Variants in CRBN observed in about 807,000 individuals in gnomAD.
The protein encoded by CRBN is protein cereblon.
In CRBN, 53 loss-of-function variants were observed where a neutral mutation model predicts 62.2. The observed-to-expected ratio is 0.85, with a 90% CI of 0.68 to 1.07. The LOEUF is 1.07. CRBN is among the 50% of genes least tolerant of loss of function. The pLI is 0.00. For synonymous variants in CRBN, 208 were observed against 176.1 expected, an observed-to-expected ratio of 1.18 and a Z score of -1.43; for missense variants, 616 against 531.1, an observed-to-expected ratio of 1.16 and a Z score of -1.57.
At chr3:3,173,498 C>G (rs1707710809) in intron 3 of CRBN, among the ~76,000 whole-genome samples, 1 of 152,196 alleles carries the variant, frequency 6.6e-6, no homozygotes, top group Non-Finnish European at 1.5e-5. Flanking sequence ...ATTTCCCAAA[C>G]CAAACATTCT....
intron 8 of CRBN, 122 bp from the exon 9 acceptor site, chr3:3,153,610 C>T: frequency 1.4e-6 from 1 of 714,984 alleles, no homozygotes; most frequent in Non-Finnish European, 2.6e-6. Flanking sequence ...ATCACATTTT[C>T]CTTCCAAGCA....
intron 4 of CRBN, among the ~76,000 whole-genome samples, chr3:3,169,396 G>A (rs550004530): frequency 1.3e-5 from 2 of 152,162 alleles, no homozygotes; most frequent in African/African-American, 2.4e-5. Context: ...AGTGAAATAT[G>A]ACTTCAACAA....
intron 4 of CRBN, among the ~76,000 whole-genome samples, chr3:3,169,914 T>C (rs556442874): frequency 6.6e-6 from 1 of 152,044 alleles, no homozygotes; most frequent in Non-Finnish European, 1.5e-5. Context: ...AATTTCTATG[T>C]GTTCAGAAGA....
intron 5 of CRBN, among the ~76,000 whole-genome samples, chr3:3,161,911 A>G (rs1157242688): frequency 6.6e-6 from 1 of 152,230 alleles, no homozygotes; most frequent in African/African-American, 2.4e-5. Flanking sequence ...ACTAATACAA[A>G]AGAATCTCCT....
chr3:3,176,474 A>T (rs986976180), intron 1 of CRBN, among the ~76,000 whole-genome samples: 2 of 152,188 alleles, frequency 1.3e-5, no homozygotes, highest in African/African-American at 4.8e-5. Context: ...GGTGGCTCAC[A>T]CCTGTAATCC....
At chr3:3,162,514 G>C (rs1474630310) in intron 5 of CRBN, among the ~76,000 whole-genome samples, 2 of 152,144 alleles carry the variant, frequency 1.3e-5, no homozygotes, top group Non-Finnish European at 2.9e-5. Flanking sequence ...TTAATCATGA[G>C]AGACACGTGC....
chr3:3,177,144 T>TG (rs891221322), intron 1 of CRBN, among the ~76,000 whole-genome samples: 10 of 148,264 alleles, frequency 6.7e-5, no homozygotes, highest in African/African-American at 2.5e-4. Flanking sequence ...GTGCTGAGGT[T>TG]GGGAGACCCT....
intron 4 of CRBN, 135 bp downstream of exon 4, chr3:3,172,641 C>T (rs1302334284): frequency 2.1e-5 from 19 of 904,212 alleles, no homozygotes; most frequent in Non-Finnish European, 3.0e-5. Context: ...AACCACTGGG[C>T]TATACCTTAG....
chr3:3,163,557 G>A (rs1453270459), intron 5 of CRBN, among the ~76,000 whole-genome samples: 1 of 152,156 alleles, frequency 6.6e-6, no homozygotes, highest in East Asian at 1.9e-4. Flanking sequence ...AATTTAAAAA[G>A]CAGTCTTACT....
intron 6 of CRBN, chr3:3,155,649 A>G (rs893176395): frequency 1.3e-5 from 2 of 153,886 alleles, no homozygotes; most frequent in Non-Finnish European, 2.9e-5. Context: ...TCCTGGATGC[A>G]TTAATTAATA....
chr3:3,173,427 T>G (rs1461115837), intron 3 of CRBN, among the ~76,000 whole-genome samples: 1 of 152,186 alleles, frequency 6.6e-6, no homozygotes, highest in African/African-American at 2.4e-5. Context: ...TAGAGAACTT[T>G]AGGAAAATAA....
At chr3:3,156,151 T>G in intron 6 of CRBN, 68 bp downstream of exon 6, 1 of 1,349,254 alleles carries the variant, frequency 7.4e-7, no homozygotes, top group Non-Finnish European at 1.1e-6. Context: ...TAAACCTTTG[T>G]TTTTTAATGA....
At position 3,166,099 on chromosome 3, in the gene CRBN, G is replaced by A. The variant is rs111946217; in HGVS notation, c.687+1535C>T. Among the ~76,000 whole-genome samples the A allele has an allele frequency of 8.7e-3, 1,323 of 152,172 alleles. 12 individuals are homozygous for A. The highest frequency in any genetic ancestry group is 0.015 in the Admixed American group (224 of 15,282). ...TGGTATGGGGAAGAAAGTATTGCAC[G>A]GTGATATGATCTGGCTGTGTCCCCA... On this transcript the variant is annotated intron_variant, in intron 5 of 10. Coordinates refer to ENST00000231948, the MANE Select transcript of CRBN (RefSeq NM_016302.4).
At position 3,150,894 on chromosome 3, in the gene CRBN, T is replaced by C. The variant is rs1706490146; in HGVS notation, c.1300A>G (p.Ser434Gly). 1.2e-6 allele frequency: 2 copies of C among 1,613,954 alleles called. No individual in the cohort carries two copies. Among genetic ancestry groups the C allele is most frequent in the Admixed American group, 1.7e-5 (1 of 59,960 alleles). ...AAGCAAAGTATTACTTTGTCTGGAC[T>C]TATTTCATCTTCAGTGTCTGGGATC... ...PTIPDTEDEI[S>G]PDKVILCL The change falls in exon 11 of 11, where the codon AGT becomes GGT. Residue 434 changes from serine (S) to glycine (G), a missense_variant. Ser to Gly is a moderately conservative substitution (Grantham distance 56). Coordinates refer to ENST00000231948, the MANE Select transcript of CRBN (RefSeq NM_016302.4).
In CRBN at chr3:3,156,206, G is replaced by T. The variant is rs1243308885; in HGVS notation, c.750+13C>A. The T allele has an allele frequency of 3.1e-6, 5 of 1,602,356 alleles. No individual in the cohort carries two copies. Among genetic ancestry groups the T allele is most frequent in the Middle Eastern group, 1.7e-4 (1 of 5,930 alleles). ...CTACCATATATAAAGTAAATTTAAGGTAAGTTACTTACAGCATCATATAAG... is the reference window on the plus strand; with the variant it reads ...CTACCATATATAAAGTAAATTTAAGTTAAGTTACTTACAGCATCATATAAG... On this transcript the variant is annotated intron_variant, in intron 6 of 10. Transcript: ENST00000231948.
chr3:3,170,587 C>T (rs796358286), intron 4 of CRBN, among the ~76,000 whole-genome samples: 25 of 152,292 alleles, frequency 1.6e-4, no homozygotes, highest in African/African-American at 5.8e-4. Context: ...AAAGACGAGA[C>T]TGAACTAAAT....
At chr3:3,165,769 C>A (rs1399273610) in intron 5 of CRBN, among the ~76,000 whole-genome samples, 1 of 151,942 alleles carries the variant, frequency 6.6e-6, no homozygotes, top group Admixed American at 6.6e-5. Context: ...CGTGGTATGC[C>A]TGTACCCCCT....
intron 5 of CRBN, among the ~76,000 whole-genome samples, chr3:3,162,075 C>G (rs1015026757): frequency 6.6e-6 from 1 of 152,206 alleles, no homozygotes; most frequent in African/African-American, 2.4e-5. Flanking sequence ...CTCAGTTCCT[C>G]CCTGCTCTAC....
In CRBN at chr3:3,150,329, G is replaced by GT. The variant is rs1706428335; in HGVS notation, c.*535_*536insA. ...TCAAAATTTACAAATCAGTATCTCA[G>GT]AGAAGTTAAAGAAAATGGAAAGGAA... On this transcript the variant is annotated 3_prime_UTR_variant, in exon 11 of 11. Coordinates refer to ENST00000231948, the MANE Select transcript of CRBN (RefSeq NM_016302.4). The GT allele has an allele frequency of 6.6e-6, 1 of 152,368 alleles. No individual in the cohort carries two copies. Among genetic ancestry groups the GT allele is most frequent in the Non-Finnish European group, 1.5e-5 (1 of 68,252 alleles). The allele number at this position is 152,368 out of a possible 1,614,324, so 9.4% of individuals were successfully genotyped here.
Sources: allele counts gnomAD v4.1 joint callset (sites outside exome capture counted in the v4.1 genomes callset), GRCh38; gene constraint gnomAD v4.1.1; transcripts MANE v1.5; gene names NCBI Gene and HGNC (gene_info 2026-07-23, HGNC 2026-07-21).